Variants in ST3GAL1 observed in about 807,000 individuals in gnomAD.
ST3GAL1 encodes the protein CMP-N-acetylneuraminate-beta-galactosamide-alpha-2,3-sialyltransferase 1.
Under a neutral mutation model 34.1 loss-of-function variants are expected in ST3GAL1, and 16 were observed. The observed-to-expected ratio is 0.47, with a 90% CI of 0.32 to 0.71. The LOEUF (loss-of-function observed/expected upper bound fraction) is 0.71. Ranked by LOEUF, ST3GAL1 falls within the 30% of genes least tolerant of loss-of-function variation. The probability of loss-of-function intolerance (pLI) is 0.04; values close to 1 mark genes in which losing one functional copy is unlikely to be tolerated. For missense variants in ST3GAL1, 353 were observed against 447.4 expected (o/e 0.79, Z 1.90); for synonymous variants, 191 against 184.7 (o/e 1.03, Z -0.28).
At chr8:133,569,755 A>G (rs1452093783) in intron 1 of ST3GAL1, among the ~76,000 whole-genome samples, 1 of 152,128 alleles carries the variant, frequency 6.6e-6, no homozygotes, top group Non-Finnish European at 1.5e-5. Context: ...CCCACCGCAG[A>G]GACAAGCGGC....
intron 2 of ST3GAL1, among the ~76,000 whole-genome samples, chr8:133,533,763 C>T (rs529701590): frequency 6.6e-6 from 1 of 152,300 alleles, no homozygotes; most frequent in South Asian, 2.1e-4. Flanking sequence ...TAACAGGTGG[C>T]AAGAACCTTC....
At chr8:133,477,656 G>C (rs952909409) in intron 3 of ST3GAL1, among the ~76,000 whole-genome samples, 12 of 152,184 alleles carry the variant, frequency 7.9e-5, no homozygotes, top group African/African-American at 2.6e-4. Flanking sequence ...TTTTGAAGAA[G>C]GCAAACAGGT....
chr8:133,476,040 G>A lies in ST3GAL1; in HGVS notation c.-16C>T. 6.5e-7 allele frequency: 1 copy of A among 1,546,284 alleles called. No individual in the cohort carries two copies. Among genetic ancestry groups the A allele is most frequent in the Middle Eastern group, 1.7e-4 (1 of 5,722 alleles). ...GGGTCACCATCTTCGCAGTCCTGAT[G>A]GTGGCCTCCCACGATGGGTAGCAGG... On this transcript the variant is annotated 5_prime_UTR_variant, in exon 5 of 10. Transcript: ENST00000522652.
rs201300168 is a variant in ST3GAL1, at chr8:133,475,899, C to T, written c.126G>A (p.Met42Ile). 1 of 1,614,092 alleles carries T rather than the reference C, an allele frequency of 6.2e-7. No homozygotes were observed. Among genetic ancestry groups the T allele is most frequent in the East Asian group, 2.2e-5 (1 of 44,852 alleles). Residue 42 changes from methionine to isoleucine, a missense_variant, in exon 5 of 10, where the codon ATG becomes ATA. Coordinates refer to ENST00000522652, the MANE Select transcript of ST3GAL1 (RefSeq NM_173344.3). ...TCAGGTTCTCGGAGAGCTCCAGGAC[C>T]ATCTGCTTGGGGAACCAGGTGGTGG... ...MVATTWFPKQMVLELSENLKR... is the reference protein window; with the variant it reads ...MVATTWFPKQIVLELSENLKR...
chr8:133,456,288 G>T lies in ST3GAL1; in HGVS notation c.*3476C>A, dbSNP rs1338378172. 1 of 142,524 alleles carries T rather than the reference G, an allele frequency of 7.0e-6. No homozygotes were observed. Among genetic ancestry groups the T allele is most frequent in the Non-Finnish European group, 1.5e-5 (1 of 64,942 alleles). The allele number at this position is 142,524 out of a possible 1,614,324, so 8.8% of individuals were successfully genotyped here. Reference sequence around the variant, plus strand: ...CAAATCAGTGCCCTGACTCACTGGGGAGACCCAGGGGGTTGGGATGTTGCT... The same window carrying T: ...CAAATCAGTGCCCTGACTCACTGGGTAGACCCAGGGGGTTGGGATGTTGCT... On this transcript the variant is annotated 3_prime_UTR_variant, in exon 10 of 10. Coordinates refer to ENST00000522652, the MANE Select transcript of ST3GAL1 (RefSeq NM_173344.3).
intron 1 of ST3GAL1, among the ~76,000 whole-genome samples, chr8:133,559,442 G>A (rs749843069): frequency 2.6e-5 from 4 of 152,142 alleles, no homozygotes; most frequent in South Asian, 2.1e-4. Context: ...AAGAAAGAAC[G>A]ATGGTACTGT....
rs1171844098 is a variant in ST3GAL1 at position 133,570,389 on chromosome 8, G to T, written c.-582+1304C>A. 1.3e-5 allele frequency: 2 copies of T among 152,214 alleles called. No individual in the cohort carries two copies. The highest frequency in any genetic ancestry group is 4.8e-5 in the African/African-American group (2 of 41,442). The allele number at this position is 152,214 out of a possible 1,614,324, so 9.4% of individuals were successfully genotyped here. On this transcript the variant is annotated intron_variant, in intron 1 of 9. Coordinates refer to ENST00000522652, the MANE Select transcript of ST3GAL1 (RefSeq NM_173344.3). The surrounding 1 kb of genome is among the most constrained non-coding windows in gnomAD (Gnocchi z 5.6). ...ACGGCTGACTCCCTCTGCGGGACTC[G>T]CCCAGCCCGCGAGACGCAGTGACCT...
chr8:133,561,331 C>A (rs1001820433), intron 1 of ST3GAL1, among the ~76,000 whole-genome samples: 1 of 152,122 alleles, frequency 6.6e-6, no homozygotes, highest in African/African-American at 2.4e-5. Flanking sequence ...AACTACATGT[C>A]TCCGAGTGCC....
intron 1 of ST3GAL1, among the ~76,000 whole-genome samples, chr8:133,548,383 C>T (rs914333169): frequency 6.6e-6 from 1 of 152,200 alleles, no homozygotes; most frequent in Non-Finnish European, 1.5e-5. Flanking sequence ...ACAGAGACAT[C>T]TTCGCTGACT....
intron 1 of ST3GAL1, among the ~76,000 whole-genome samples, chr8:133,547,301 A>C (rs574939574): frequency 6.6e-6 from 1 of 151,518 alleles, no homozygotes; most frequent in East Asian, 1.9e-4. Flanking sequence ...GATGGGTCTC[A>C]CTCAGTTTTC....
chr8:133,499,876 C>G (rs534412524), intron 2 of ST3GAL1, among the ~76,000 whole-genome samples: 1 of 152,088 alleles, frequency 6.6e-6, no homozygotes, highest in Non-Finnish European at 1.5e-5. Context: ...CGTGTGCACT[C>G]GCAACAGGGC....
chr8:133,465,039 C>T, intron 6 of ST3GAL1, 82 bp from the exon 7 acceptor site: 4 of 1,449,632 alleles, frequency 2.8e-6, no homozygotes, highest in Non-Finnish European at 3.7e-6. Flanking sequence ...GAGAGTGAGC[C>T]TCCAGTGTGA....
intron 2 of ST3GAL1, among the ~76,000 whole-genome samples, chr8:133,540,084 C>T (rs893867522): frequency 1.3e-5 from 2 of 152,042 alleles, no homozygotes; most frequent in Non-Finnish European, 2.9e-5. Context: ...TGAGAAGCTC[C>T]CCCGCTCTTC....
chr8:133,522,519 C>T (rs1387392907), intron 2 of ST3GAL1, among the ~76,000 whole-genome samples: 1 of 152,132 alleles, frequency 6.6e-6, no homozygotes, highest in African/African-American at 2.4e-5. Context: ...CTGTGTGGGG[C>T]AGAGCAGTAA....
intron 1 of ST3GAL1, among the ~76,000 whole-genome samples, chr8:133,548,424 T>A (rs1382548867): frequency 6.6e-6 from 1 of 152,228 alleles, no homozygotes; most frequent in Non-Finnish European, 1.5e-5. Flanking sequence ...TGCCCCTCGA[T>A]ATTTTCAGTG....
chr8:133,560,934 A>G (rs578213403), intron 1 of ST3GAL1, among the ~76,000 whole-genome samples: 2 of 152,292 alleles, frequency 1.3e-5, no homozygotes, highest in African/African-American at 4.8e-5. Flanking sequence ...AGGCTCCCAT[A>G]GTAAACGAAT....
rs2130900517 is a variant in ST3GAL1 at position 133,454,937 on chromosome 8, G to A, written c.*4827C>T. 6.6e-6 allele frequency: 1 copy of A among 152,366 alleles called. No individual in the cohort carries two copies. Among genetic ancestry groups the A allele is most frequent in the Non-Finnish European group, 1.5e-5 (1 of 68,046 alleles). 9.4% of individuals were successfully genotyped at this position (152,366 alleles called of 1,614,324 possible). A position where few individuals can be genotyped will look rare whatever the true frequency, so the allele number is the denominator to read the frequency against. ...TAAAACAGAGCGGGGGCTGAGGAAAGCAGGATCTTGCTGAAGTCATTCGAA... is the reference window on the plus strand; with the variant it reads ...TAAAACAGAGCGGGGGCTGAGGAAAACAGGATCTTGCTGAAGTCATTCGAA... On this transcript the variant is annotated 3_prime_UTR_variant, in exon 10 of 10. Transcript: ENST00000522652.
Position 133,465,932 on chromosome 8 carries a change from A to G in ST3GAL1, c.465T>C (p.Ser155=), listed in dbSNP as rs1815714328. The G allele has an allele frequency of 5.6e-6, 9 of 1,614,158 alleles. No homozygotes were observed. The highest frequency in any genetic ancestry group is 6.8e-6 in the Non-Finnish European group (8 of 1,179,992). The change falls in exon 6 of 10, where the codon TCT becomes TCC. Residue 155 remains serine (S), a synonymous_variant. Transcript: ENST00000522652. The stretch of plus-strand genomic sequence containing the variant: ...CGTGACTGTCTATCTCAGGCCCATA[A>G]GAAGACTCCCTCAGGTTGCCCGAGT... ...VGNSGNLRES[S]YGPEIDSHDF... is the part of the protein sequence containing the mutation.
chr8:133,469,429 G>T lies in ST3GAL1; in HGVS notation c.307-3339C>A, dbSNP rs961439660. Reference sequence around the variant, plus strand: ...AAACACGGTTTCACCATGTTGGCCAGGCTGGTCTCGAACTCCTGACCTCAG... The same window carrying T: ...AAACACGGTTTCACCATGTTGGCCATGCTGGTCTCGAACTCCTGACCTCAG... On this transcript the variant is annotated intron_variant, in intron 5 of 9. Transcript: ENST00000522652. The surrounding 1 kb of genome is among the most constrained non-coding windows in gnomAD (Gnocchi z 4.3). Among the ~76,000 whole-genome samples, 42 of 152,184 alleles carry T rather than the reference G, an allele frequency of 2.8e-4. No homozygotes were observed. Among genetic ancestry groups the T allele is most frequent in the Admixed American group, 1.6e-3 (24 of 15,288 alleles).
Sources: gnomAD v4.1 joint callset for allele counts (sites outside exome capture counted in the v4.1 genomes callset) on GRCh38, gnomAD v4.1.1 for gene constraint, Gnocchi (gnomAD v3.1) non-coding constraint, MANE v1.5 for transcripts, NCBI Gene and HGNC (gene_info 2026-07-23, HGNC 2026-07-21) for gene names.